The following KIAA1328 variants were observed in gnomAD, a reference collection of about 807,000 sequenced individuals.
KIAA1328 encodes KIAA1328.
In KIAA1328, 52 loss-of-function variants were observed where a neutral mutation model predicts 68.1. The ratio of observed to expected loss-of-function variants is 0.76; its 90% CI spans 0.61 to 0.96. KIAA1328 has a LOEUF of 0.96. Ranked by LOEUF, KIAA1328 falls within the 40% of genes least tolerant of loss-of-function variation. The pLI, the probability that KIAA1328 is intolerant of heterozygous loss-of-function variation, is 0.00. For missense variants in KIAA1328, 641 were observed against 677.6 expected (o/e 0.95, Z 0.60); for synonymous variants, 232 against 239.4 (o/e 0.97, Z 0.28).
At chr18:37,186,839 T>C (rs1042142766) in intron 9 of KIAA1328, among the ~76,000 whole-genome samples, 13 of 152,154 alleles carry the variant, frequency 8.5e-5, no homozygotes, top group South Asian at 2.1e-4. Context: ...CTTGTTGTCA[T>C]GGGTGCATAC....
rs146121283 is a variant in KIAA1328 at position 37,042,301 on chromosome 18, A to T, written c.577-24589A>T. Among the ~76,000 whole-genome samples the T allele has an allele frequency of 2.1e-3, 321 of 152,294 alleles. 1 individual carries two copies. The highest frequency in any genetic ancestry group is 7.2e-3 in the African/African-American group (299 of 41,550). On this transcript the variant is annotated intron_variant, in intron 6 of 9. Coordinates refer to ENST00000280020, the MANE Select transcript of KIAA1328 (RefSeq NM_020776.3). ...ATACATATATACCTTTACCTACAAG[A>T]TGATCTTTTCTGGTATTCATTATTT...
At chr18:36,921,625 C>T (rs1169394315) in intron 5 of KIAA1328, among the ~76,000 whole-genome samples, 3 of 152,012 alleles carry the variant, frequency 2.0e-5, no homozygotes, top group Admixed American at 6.6e-5. Flanking sequence ...AGGATGGTCT[C>T]GATCACCTGA....
intron 6 of KIAA1328, among the ~76,000 whole-genome samples, chr18:36,983,320 A>G (rs1457428600): frequency 1.3e-5 from 2 of 152,084 alleles, no homozygotes; most frequent in Non-Finnish European, 2.9e-5. Context: ...TGAACATAGA[A>G]CAAAATAGAT....
chr18:37,160,092 AAG>A, intron 7 of KIAA1328, 106 bp from the exon 8 acceptor site: 1 of 801,752 alleles, frequency 1.2e-6, no homozygotes, highest in South Asian at 2.6e-5. Flanking sequence ...AGGTAAGATA[AAG>A]AGAGTTCTTA....
intron 6 of KIAA1328, among the ~76,000 whole-genome samples, chr18:36,979,221 T>C (rs181294904): frequency 2.0e-4 from 30 of 151,718 alleles, no homozygotes; most frequent in African/African-American, 7.0e-4. Context: ...AAGAAGGTTA[T>C]ATGAATACCT....
chr18:37,077,546 C>T (rs1175903978), intron 7 of KIAA1328, among the ~76,000 whole-genome samples: 1 of 151,762 alleles, frequency 6.6e-6, no homozygotes. Flanking sequence ...TCAAATTGTC[C>T]CTGTTTGCAG....
chr18:37,036,688 G>A (rs1370870044), intron 6 of KIAA1328, among the ~76,000 whole-genome samples: 1 of 152,106 alleles, frequency 6.6e-6, no homozygotes, highest in East Asian at 1.9e-4. Context: ...ATGCCCAAAG[G>A]CCACCCTCTT....
chr18:37,139,605 G>A (rs1004469018), intron 7 of KIAA1328, among the ~76,000 whole-genome samples: 4 of 152,236 alleles, frequency 2.6e-5, no homozygotes, highest in South Asian at 4.1e-4. Flanking sequence ...CCAAGTAGAC[G>A]ATTTTTGCTA....
intron 6 of KIAA1328, among the ~76,000 whole-genome samples, chr18:36,976,986 C>A (rs2052497687): frequency 6.6e-6 from 1 of 152,158 alleles, no homozygotes; most frequent in Admixed American, 6.5e-5. Flanking sequence ...TAAATACCCC[C>A]TACAGTGTGG....
intron 6 of KIAA1328, among the ~76,000 whole-genome samples, chr18:36,961,183 A>G (rs1166515769): frequency 6.6e-6 from 1 of 152,242 alleles, no homozygotes; most frequent in Non-Finnish European, 1.5e-5. Flanking sequence ...AAGCTTCAAT[A>G]GCTGATTCAA....
intron 6 of KIAA1328, among the ~76,000 whole-genome samples, chr18:36,990,186 AT>A (rs1568261278): frequency 6.6e-6 from 1 of 152,124 alleles, no homozygotes. Context: ...TTTAAGAAAA[AT>A]GGTCTAATCT....
intron 7 of KIAA1328, among the ~76,000 whole-genome samples, chr18:37,081,347 T>C (rs2056944624): frequency 6.6e-6 from 1 of 152,196 alleles, no homozygotes; most frequent in African/African-American, 2.4e-5. Context: ...TGTTTTATCA[T>C]AGTTAGCTGG....
At chr18:37,057,141 C>T (rs999577734) in intron 6 of KIAA1328, among the ~76,000 whole-genome samples, 1 of 152,112 alleles carries the variant, frequency 6.6e-6, no homozygotes, top group Non-Finnish European at 1.5e-5. Flanking sequence ...ATATGTAGTA[C>T]ATTTCAAGTC....
intron 9 of KIAA1328, among the ~76,000 whole-genome samples, chr18:37,216,473 C>G (rs2060435784): frequency 6.6e-6 from 1 of 152,044 alleles, no homozygotes; most frequent in East Asian, 1.9e-4. Flanking sequence ...AGTTTCTTAA[C>G]CCTGAGTTTG....
intron 6 of KIAA1328, among the ~76,000 whole-genome samples, chr18:36,985,092 A>G (rs1384503950): frequency 6.6e-6 from 1 of 152,006 alleles, no homozygotes; most frequent in Non-Finnish European, 1.5e-5. Flanking sequence ...ACTTGAGGGT[A>G]GGAGTTCAAG....
At chr18:37,020,572 G>A (rs1216267748) in intron 6 of KIAA1328, among the ~76,000 whole-genome samples, 2 of 152,210 alleles carry the variant, frequency 1.3e-5, no homozygotes, top group Admixed American at 1.3e-4. Context: ...TAAACAGTAT[G>A]TAAGAGAACT....
intron 7 of KIAA1328, among the ~76,000 whole-genome samples, chr18:37,096,941 T>C (rs2057428738): frequency 6.6e-6 from 1 of 151,960 alleles, no homozygotes; most frequent in African/African-American, 2.4e-5. Context: ...TTCTTGTAAA[T>C]TAGTTTGAGT....
intron 5 of KIAA1328, among the ~76,000 whole-genome samples, chr18:36,958,283 A>G (rs2051506188): frequency 6.6e-6 from 1 of 152,144 alleles, no homozygotes; most frequent in Non-Finnish European, 1.5e-5. Context: ...TTGTGTGTAC[A>G]TATGTTTTTT....
intron 6 of KIAA1328, among the ~76,000 whole-genome samples, chr18:36,980,746 T>TG (rs369104316): frequency 2.5e-3 from 386 of 152,228 alleles, no homozygotes; most frequent in African/African-American, 8.5e-3. Context: ...GAATGAATTA[T>TG]GGGGGCTGGT....
Sources: allele counts gnomAD v4.1 joint callset (sites outside exome capture counted in the v4.1 genomes callset), GRCh38; gene constraint gnomAD v4.1.1; transcripts MANE v1.5; gene names NCBI Gene and HGNC (gene_info 2026-07-23, HGNC 2026-07-21).